The following ARHGEF7 variants were observed in gnomAD, a reference collection of about 807,000 sequenced individuals.
ARHGEF7 encodes PAK-interacting exchange factor beta.
ARHGEF7 carries 33 observed loss-of-function variants against 109.8 expected under a neutral mutation model. That is an observed-to-expected ratio of 0.30 (90% CI 0.23 to 0.40). The LOEUF (loss-of-function observed/expected upper bound fraction) is 0.40. ARHGEF7 is among the 10% of genes least tolerant of loss of function. ARHGEF7 has a pLI of 1.00. For missense variants in ARHGEF7, 938 were observed against 1,098.5 expected (o/e 0.85, Z 2.07); for synonymous variants, 458 against 424.6 (o/e 1.08, Z -0.97).
At chr13:111,225,836 A>G (rs1488072001) in intron 5 of ARHGEF7, among the ~76,000 whole-genome samples, 1 of 152,188 alleles carries the variant, frequency 6.6e-6, no homozygotes, top group African/African-American at 2.4e-5. Context: ...ACACAAAAAT[A>G]CTGAAATTAA....
intron 8 of ARHGEF7, among the ~76,000 whole-genome samples, chr13:111,262,343 G>A (rs1214826080): frequency 6.6e-6 from 1 of 152,172 alleles, no homozygotes; most frequent in African/African-American, 2.4e-5. Flanking sequence ...AGAAGCTTTG[G>A]TAGTCAACAA....
At chr13:111,232,704 TTTTC>T (rs2086262660) in intron 5 of ARHGEF7, among the ~76,000 whole-genome samples, 1 of 152,136 alleles carries the variant, frequency 6.6e-6, no homozygotes, top group African/African-American at 2.4e-5. Flanking sequence ...TTGAGATGAC[TTTTC>T]TTTCTCCTCC....
chr13:111,121,783 A>G (rs57204840), intron 1 of ARHGEF7, among the ~76,000 whole-genome samples: 5,199 of 152,144 alleles, frequency 0.034, 285 homozygotes, highest in African/African-American at 0.12. Flanking sequence ...TTGTTCCCGC[A>G]GCCATTTGCT....
chr13:111,221,445 C>A (rs1412013410), intron 5 of ARHGEF7, among the ~76,000 whole-genome samples: 6 of 61,528 alleles, frequency 9.8e-5, no homozygotes, highest in African/African-American at 2.3e-4. Flanking sequence ...ATATATATAT[C>A]TATATATATA....
intron 1 of ARHGEF7, among the ~76,000 whole-genome samples, chr13:111,116,764 A>T (rs1198260459): frequency 1.3e-5 from 2 of 152,142 alleles, no homozygotes; most frequent in Non-Finnish European, 2.9e-5. Flanking sequence ...AAAATGTTTA[A>T]TTTTTTTCAT....
At chr13:111,185,491 G>A (rs1027772410) in intron 2 of ARHGEF7, among the ~76,000 whole-genome samples, 8 of 152,218 alleles carry the variant, frequency 5.3e-5, no homozygotes, top group African/African-American at 1.7e-4. Flanking sequence ...GGTGTTTGCA[G>A]TGGGCCATCT....
At chr13:111,204,065 T>C (rs191768387) in intron 2 of ARHGEF7, among the ~76,000 whole-genome samples, 1 of 152,274 alleles carries the variant, frequency 6.6e-6, no homozygotes, top group Non-Finnish European at 1.5e-5. Flanking sequence ...TGGGGGAGCC[T>C]GGCTGGGGAC....
At chr13:111,267,320 G>A (rs1038671495) in intron 8 of ARHGEF7, among the ~76,000 whole-genome samples, 1 of 152,006 alleles carries the variant, frequency 6.6e-6, no homozygotes, top group Non-Finnish European at 1.5e-5. Flanking sequence ...ATGCTGTGCA[G>A]TCTGAATGCT....
At chr13:111,174,806 G>A (rs1353617084) in intron 2 of ARHGEF7, among the ~76,000 whole-genome samples, 1 of 152,126 alleles carries the variant, frequency 6.6e-6, no homozygotes, top group Admixed American at 6.5e-5. Context: ...ACACCGGGAG[G>A]TCCTTGCAGC....
intron 13 of ARHGEF7, among the ~76,000 whole-genome samples, chr13:111,279,734 T>A (rs2092683895): frequency 6.6e-6 from 1 of 152,248 alleles, no homozygotes; most frequent in African/African-American, 2.4e-5. Flanking sequence ...GGAGCACTGG[T>A]TTGCCAACCA....
intron 1 of ARHGEF7, among the ~76,000 whole-genome samples, chr13:111,120,572 CAT>C (rs1276271998): frequency 6.6e-6 from 1 of 152,188 alleles, no homozygotes; most frequent in African/African-American, 2.4e-5. Flanking sequence ...AGTGCTGGCA[CAT>C]GTGGCATTCC....
At position 111,262,398 on chromosome 13, in the gene ARHGEF7, C is replaced by A. The variant is rs984812401; in HGVS notation, c.951-5150C>A. Among the ~76,000 whole-genome samples the A allele has an allele frequency of 3.3e-5, 5 of 151,324 alleles. No homozygotes were observed. In the South Asian group the frequency reaches 1.0e-3, roughly 32 times the overall value. ...ATGTGGTTACAGGGGCCCCGTGTCC[C>A]TGTGTGTGTGTGTGCATGTGTGTGT... On this transcript the variant is annotated intron_variant, in intron 8 of 21. Coordinates refer to ENST00000646102, the MANE Select transcript of ARHGEF7 (RefSeq NM_001354046.2).
At chr13:111,218,764 T>C (rs2153491559) in intron 5 of ARHGEF7, among the ~76,000 whole-genome samples, 1 of 152,284 alleles carries the variant, frequency 6.6e-6, no homozygotes, top group African/African-American at 2.4e-5. Flanking sequence ...GTTGAATTGT[T>C]AAGGTTTATA....
intron 19 of ARHGEF7, chr13:111,292,909 G>A (rs563961373): frequency 1.2e-4 from 122 of 987,348 alleles, no homozygotes; most frequent in South Asian, 3.7e-4. Context: ...ACAGACGGGC[G>A]GGCGTCACGT....
intron 8 of ARHGEF7, among the ~76,000 whole-genome samples, chr13:111,252,853 T>C (rs1313027647): frequency 3.9e-5 from 6 of 152,170 alleles, no homozygotes; most frequent in Non-Finnish European, 8.8e-5. Flanking sequence ...TCATTCGAGG[T>C]ATGTATGTGA....
intron 19 of ARHGEF7, chr13:111,293,198 G>A: frequency 3.0e-6 from 3 of 985,384 alleles, no homozygotes; most frequent in Non-Finnish European, 3.6e-6. Flanking sequence ...GACTGTAGTA[G>A]AGGCATTTGG....
At chr13:111,133,765 A>T (rs1235016540) in intron 1 of ARHGEF7, among the ~76,000 whole-genome samples, 3 of 4,084 alleles carry the variant, frequency 7.3e-4, no homozygotes, top group African/African-American at 3.2e-3. Context: ...GCTTTTCTTT[A>T]TATATATATA....
intron 8 of ARHGEF7, among the ~76,000 whole-genome samples, chr13:111,252,573 G>GT (rs2089912871): frequency 6.6e-6 from 1 of 152,236 alleles, no homozygotes; most frequent in Non-Finnish European, 1.5e-5. Flanking sequence ...CATTAGGAGA[G>GT]TTTTTCAAAT....
At chr13:111,142,080 G>T (rs1038809434) in intron 1 of ARHGEF7, among the ~76,000 whole-genome samples, 9 of 152,084 alleles carry the variant, frequency 5.9e-5, no homozygotes, top group Non-Finnish European at 1.3e-4. Flanking sequence ...AATATATGAT[G>T]TTGGATATCT....
Sources: gnomAD v4.1 joint callset for allele counts (sites outside exome capture counted in the v4.1 genomes callset) on GRCh38, gnomAD v4.1.1 for gene constraint, MANE v1.5 for transcripts, NCBI Gene and HGNC (gene_info 2026-07-23, HGNC 2026-07-21) for gene names.